Variants in JMJD1C observed in about 807,000 individuals in gnomAD.
The protein encoded by JMJD1C is jumonji domain-containing protein 1C.
A neutral mutation model predicts 245.3 loss-of-function variants in JMJD1C; 31 were observed. That is an observed-to-expected ratio of 0.13 (90% CI 0.09 to 0.17). The LOEUF (loss-of-function observed/expected upper bound fraction) is 0.17, where lower values mean the gene tolerates loss of function less well. Among genes scored for constraint, JMJD1C ranks in the 10% least tolerant of loss-of-function variants. The pLI is 1.00. For missense variants in JMJD1C, 2,691 were observed against 3,000.2 expected, an observed-to-expected ratio of 0.90 and a Z score of 2.41; for synonymous variants, 1,057 against 1,017.4, an observed-to-expected ratio of 1.04 and a Z score of -0.74.
intron 2 of JMJD1C, among the ~76,000 whole-genome samples, chr10:63,272,072 CAAA>C (rs1234840271): frequency 6.7e-5 from 6 of 89,970 alleles, no homozygotes; most frequent in Admixed American, 1.2e-4. Context: ...GACTCTGTCT[CAAA>C]AAAAAAAAAA....
intron 2 of JMJD1C, among the ~76,000 whole-genome samples, chr10:63,377,513 T>A (rs1425805476): frequency 6.6e-6 from 1 of 152,086 alleles, no homozygotes; most frequent in Admixed American, 6.6e-5. Context: ...GGCAGGCAGA[T>A]CACAAGGTCA....
At position 63,414,707 on chromosome 10, in the gene JMJD1C, G is replaced by A. The variant is rs1949698791; in HGVS notation, c.169-34225C>T. 2.0e-5 allele frequency among the ~76,000 whole-genome samples: 3 copies of A among 151,932 alleles called. No homozygotes were observed. In the South Asian group the frequency reaches 6.2e-4, roughly 32 times the overall value. On this transcript the variant is annotated intron_variant, in intron 1 of 25. Coordinates refer to ENST00000399262, the MANE Select transcript of JMJD1C (RefSeq NM_032776.3). ...ATTCAAGACCAGCCTGGCCAACATG[G>A]TGAAACTTCATCTTTCTTTGCTAAA...
intron 4 of JMJD1C, 33 bp downstream of exon 4, chr10:63,219,845 A>C (rs774907854): frequency 1.9e-6 from 3 of 1,540,746 alleles, no homozygotes; most frequent in East Asian, 4.5e-5. Context: ...CCTAGATCCA[A>C]AAAAATTTAA....
In JMJD1C at chr10:63,215,239, C is replaced by A. The variant is rs918638480; in HGVS notation, c.1015+24G>T. ...TTTTTGTTTTATTTGTTTTCATTCCCTTAAAAAAAAAAGTGGGTCCTACCT... is the reference window on the plus strand; with the variant it reads ...TTTTTGTTTTATTTGTTTTCATTCCATTAAAAAAAAAAGTGGGTCCTACCT... On this transcript the variant is annotated intron_variant, in intron 7 of 25. Coordinates refer to ENST00000399262, the MANE Select transcript of JMJD1C (RefSeq NM_032776.3). The A allele has an allele frequency of 4.5e-6, 7 of 1,567,162 alleles. No individual in the cohort carries two copies. The African/African-American group carries it at 8.9e-5, about 20-fold the overall frequency.
chr10:63,513,354 C>A (rs1229975306), intron 1 of JMJD1C, among the ~76,000 whole-genome samples: 3 of 152,102 alleles, frequency 2.0e-5, no homozygotes, highest in Non-Finnish European at 4.4e-5. Context: ...CTATAAGAAT[C>A]CTAGAAGAAA....
chr10:63,348,163 G>A (rs993166344), intron 2 of JMJD1C, among the ~76,000 whole-genome samples: 5 of 149,826 alleles, frequency 3.3e-5, no homozygotes, highest in South Asian at 2.1e-4. Context: ...CTGGGATCGC[G>A]CCATTGTACT....
intron 1 of JMJD1C, among the ~76,000 whole-genome samples, chr10:63,460,217 T>C (rs1952690722): frequency 6.6e-6 from 1 of 151,972 alleles, no homozygotes; most frequent in African/African-American, 2.4e-5. Context: ...AAATTTACAA[T>C]TAAGAGTAAA....
intron 1 of JMJD1C, among the ~76,000 whole-genome samples, chr10:63,414,212 TCCTGA>T (rs1265576163): frequency 6.6e-6 from 1 of 152,068 alleles, no homozygotes; most frequent in Non-Finnish European, 1.5e-5. Flanking sequence ...GGTCTCGATC[TCCTGA>T]CCTCGTGATC....
chr10:63,389,452 T>C (rs1272549166), intron 1 of JMJD1C, among the ~76,000 whole-genome samples: 2 of 147,382 alleles, frequency 1.4e-5, no homozygotes, highest in African/African-American at 4.9e-5. Context: ...TTCTTTTTTT[T>C]TTCCTTTTTT....
At chr10:63,220,457 T>C (rs1442750032) in intron 3 of JMJD1C, among the ~76,000 whole-genome samples, 2 of 152,238 alleles carry the variant, frequency 1.3e-5, no homozygotes, top group African/African-American at 2.4e-5. Flanking sequence ...TTAAATGTCA[T>C]CAAATTCAGT....
At chr10:63,409,038 G>A (rs1471424034) in intron 1 of JMJD1C, among the ~76,000 whole-genome samples, 1 of 152,128 alleles carries the variant, frequency 6.6e-6, no homozygotes, top group Non-Finnish European at 1.5e-5. Flanking sequence ...GAAATTAAAA[G>A]TCAACATATA....
chr10:63,428,304 A>G (rs1950557522), intron 1 of JMJD1C, among the ~76,000 whole-genome samples: 1 of 152,090 alleles, frequency 6.6e-6, no homozygotes, highest in Non-Finnish European at 1.5e-5. Flanking sequence ...TTTCAATTAC[A>G]CAGTGCCAGT....
intron 1 of JMJD1C, among the ~76,000 whole-genome samples, chr10:63,474,442 C>A (rs967939958): frequency 1.3e-5 from 2 of 151,772 alleles, no homozygotes; most frequent in Admixed American, 1.3e-4. Flanking sequence ...AATAAAAACA[C>A]CTTTTTTTTT....
chr10:63,188,531 A>AT (rs1844399212), intron 18 of JMJD1C, among the ~76,000 whole-genome samples: 1 of 152,252 alleles, frequency 6.6e-6, no homozygotes, highest in Non-Finnish European at 1.5e-5. Flanking sequence ...TTGAATAAAC[A>AT]AAGTAAACAT....
chr10:63,489,905 A>C (rs1160791657), intron 1 of JMJD1C, among the ~76,000 whole-genome samples: 1 of 152,182 alleles, frequency 6.6e-6, no homozygotes, highest in Non-Finnish European at 1.5e-5. Flanking sequence ...GCAAAGCAGG[A>C]GGTGAGCTGC....
intron 1 of JMJD1C, among the ~76,000 whole-genome samples, chr10:63,394,021 T>A (rs1948280007): frequency 6.6e-6 from 1 of 151,788 alleles, no homozygotes; most frequent in Non-Finnish European, 1.5e-5. Context: ...TCGTCTCCAT[T>A]AAAAATACAA....
intron 2 of JMJD1C, among the ~76,000 whole-genome samples, chr10:63,306,007 G>C (rs188280336): frequency 3.6e-4 from 55 of 152,134 alleles, no homozygotes; most frequent in African/African-American, 1.3e-3. Context: ...AAAGGTGTGA[G>C]CTACTGTGCC....
chr10:63,320,013 G>A (rs1246486076), intron 2 of JMJD1C, among the ~76,000 whole-genome samples: 2 of 151,846 alleles, frequency 1.3e-5, no homozygotes, highest in Admixed American at 1.3e-4. Flanking sequence ...TGATCCACCC[G>A]CCTCAGCCTC....
At chr10:63,372,391 C>T (rs1328005982) in intron 2 of JMJD1C, among the ~76,000 whole-genome samples, 6 of 152,146 alleles carry the variant, frequency 3.9e-5, no homozygotes, top group Admixed American at 2.0e-4. Context: ...TTTAAAATAA[C>T]GCATTTCAGG....
Sources: gnomAD v4.1 joint callset for allele counts (sites outside exome capture counted in the v4.1 genomes callset) on GRCh38, gnomAD v4.1.1 for gene constraint, MANE v1.5 for transcripts, NCBI Gene and HGNC (gene_info 2026-07-23, HGNC 2026-07-21) for gene names.